Variants in TTC33 observed in about 807,000 individuals in gnomAD.
TTC33 encodes tetratricopeptide repeat protein 33.
In TTC33, 24 loss-of-function variants were observed where a neutral mutation model predicts 29.4. That is an observed-to-expected ratio of 0.82 (90% CI 0.59 to 1.15). The LOEUF (loss-of-function observed/expected upper bound fraction) is 1.15, where lower values mean the gene tolerates loss of function less well. Among genes scored for constraint, TTC33 ranks in the 50% most tolerant of loss-of-function variants. The probability of loss-of-function intolerance (pLI) is 0.00; values close to 1 mark genes in which losing one functional copy is unlikely to be tolerated. For missense variants in TTC33, 286 were observed against 310.4 expected, an observed-to-expected ratio of 0.92 and a Z score of 0.59; for synonymous variants, 107 against 100.3, an observed-to-expected ratio of 1.07 and a Z score of -0.40.
chr5:40,752,803 T>A (rs1352115288), intron 1 of TTC33, among the ~76,000 whole-genome samples: 1 of 152,268 alleles, frequency 6.6e-6, no homozygotes, highest in Non-Finnish European at 1.5e-5. Flanking sequence ...ATTGGACAAA[T>A]AGCACGAAAA....
intron 2 of TTC33, among the ~76,000 whole-genome samples, chr5:40,731,367 TAC>T (rs34581011): frequency 0.68 from 102,839 of 151,614 alleles, 34,970 homozygotes; most frequent in East Asian, 0.8. Context: ...CTGCTACACA[TAC>T]ACACACACAC....
chr5:40,718,635 G>A (rs750009389), intron 4 of TTC33, among the ~76,000 whole-genome samples: 3 of 152,046 alleles, frequency 2.0e-5, no homozygotes, highest in Non-Finnish European at 4.4e-5. Context: ...CTACTCAGGG[G>A]GCTGAGGCAT....
At chr5:40,721,105 G>A (rs1460567619) in intron 4 of TTC33, among the ~76,000 whole-genome samples, 2 of 152,086 alleles carry the variant, frequency 1.3e-5, no homozygotes, top group East Asian at 3.9e-4. Flanking sequence ...AAAAGAATTG[G>A]TCCACACTGT....
intron 4 of TTC33, among the ~76,000 whole-genome samples, chr5:40,722,394 G>A (rs1249449416): frequency 6.6e-6 from 1 of 151,192 alleles, no homozygotes; most frequent in Non-Finnish European, 1.5e-5. Flanking sequence ...GAGCCCCTCT[G>A]CCCGGCCGCC....
intron 3 of TTC33, among the ~76,000 whole-genome samples, chr5:40,729,856 G>A (rs1340939833): frequency 6.6e-6 from 1 of 152,020 alleles, no homozygotes; most frequent in South Asian, 2.1e-4. Flanking sequence ...GTGCCACCAC[G>A]CCCAGCTAAT....
chr5:40,716,465 A>C lies in TTC33; in HGVS notation c.469T>G (p.Tyr157Asp). The C allele has an allele frequency of 6.2e-7, 1 of 1,605,820 alleles. No individual in the cohort carries two copies. Among genetic ancestry groups the C allele is most frequent in the Non-Finnish European group, 8.5e-7 (1 of 1,176,612 alleles). The change falls in exon 5 of 5, where the codon TAT becomes GAT. Residue 157 changes from tyrosine (Y) to aspartate (D), a missense_variant. Coordinates refer to ENST00000337702, the MANE Select transcript of TTC33 (RefSeq NM_012382.3). ...IRSFQVALHI[Y>D]PMNPEIWKED... ...TTCCATATTTCAGGGTTCATTGGAT[A>C]GATGTGAAGGGCTACTTGAAAACTT...
chr5:40,733,439 A>C (rs1031422476), intron 2 of TTC33, among the ~76,000 whole-genome samples: 13 of 152,286 alleles, frequency 8.5e-5, no homozygotes, highest in African/African-American at 3.1e-4. Context: ...TCCCAGTAAA[A>C]CTTTATTTAT....
intron 2 of TTC33, among the ~76,000 whole-genome samples, chr5:40,733,608 T>C (rs1441570747): frequency 1.3e-5 from 2 of 152,154 alleles, no homozygotes; most frequent in Non-Finnish European, 2.9e-5. Context: ...TAGAAGGCAT[T>C]TGTGGTCATC....
At chr5:40,745,888 C>T (rs1382278294) in intron 2 of TTC33, among the ~76,000 whole-genome samples, 1 of 152,070 alleles carries the variant, frequency 6.6e-6, no homozygotes, top group Non-Finnish European at 1.5e-5. Context: ...GTATAAGCCA[C>T]TGCACCCAGC....
intron 1 of TTC33, among the ~76,000 whole-genome samples, chr5:40,748,002 T>C (rs1450812849): frequency 6.6e-6 from 1 of 151,660 alleles, no homozygotes; most frequent in Non-Finnish European, 1.5e-5. Flanking sequence ...ATTTTTTGTA[T>C]TTTTAGTAGA....
At chr5:40,716,813 G>T (rs1742011070) in intron 4 of TTC33, among the ~76,000 whole-genome samples, 1 of 152,218 alleles carries the variant, frequency 6.6e-6, no homozygotes, top group South Asian at 2.1e-4. Flanking sequence ...TACATTTGGG[G>T]ATTTCCTGGG....
At chr5:40,735,746 A>G (rs1472742700) in intron 2 of TTC33, among the ~76,000 whole-genome samples, 2 of 152,226 alleles carry the variant, frequency 1.3e-5, no homozygotes, top group Admixed American at 6.5e-5. Flanking sequence ...GGTGTGGAAG[A>G]TGAGAGAGCA....
At chr5:40,728,113 C>T in intron 4 of TTC33, among the ~76,000 whole-genome samples, 1 of 151,710 alleles carries the variant, frequency 6.6e-6, no homozygotes, top group Non-Finnish European at 1.5e-5. Context: ...GACACCCCGT[C>T]TCTACTAAAA....
At chr5:40,718,984 C>T (rs955710245) in intron 4 of TTC33, among the ~76,000 whole-genome samples, 1 of 152,088 alleles carries the variant, frequency 6.6e-6, no homozygotes, top group Non-Finnish European at 1.5e-5. Context: ...TAAAAATCCA[C>T]CTATATAGAA....
chr5:40,725,958 T>C (rs932113261), intron 4 of TTC33, among the ~76,000 whole-genome samples: 2 of 151,796 alleles, frequency 1.3e-5, no homozygotes, highest in Non-Finnish European at 2.9e-5. Context: ...GCTAATTTTT[T>C]GTATTTTTAG....
At chr5:40,729,113 T>C (rs1742363234) in intron 3 of TTC33, among the ~76,000 whole-genome samples, 1 of 152,206 alleles carries the variant, frequency 6.6e-6, no homozygotes, top group South Asian at 2.1e-4. Flanking sequence ...CAAACATTAT[T>C]ATCAGGTTCC....
In TTC33 at chr5:40,712,548, T is replaced by C. The variant is rs1047067420; in HGVS notation, c.*3597A>G. On this transcript the variant is annotated 3_prime_UTR_variant, in exon 5 of 5. Coordinates refer to ENST00000337702, the MANE Select transcript of TTC33 (RefSeq NM_012382.3). ...TATTGAACTTAGAATTAGACAGACC[T>C]GCTTACTAAGGCATGGGCAGTTCTG... 1.3e-5 allele frequency among the ~76,000 whole-genome samples: 2 copies of C among 152,190 alleles called. No individual in the cohort carries two copies. Among genetic ancestry groups the C allele is most frequent in the Non-Finnish European group, 2.9e-5 (2 of 68,020 alleles).
rs1218537255 is a variant in TTC33, at chr5:40,712,879, G to A, written c.*3266C>T. ...TAGTGCACATTAGGGCATGATTCATGTTACAGTAGCTTTAGGGCCACACTT... is the reference window on the plus strand; with the variant it reads ...TAGTGCACATTAGGGCATGATTCATATTACAGTAGCTTTAGGGCCACACTT... On this transcript the variant is annotated 3_prime_UTR_variant, in exon 5 of 5. Coordinates refer to ENST00000337702, the MANE Select transcript of TTC33 (RefSeq NM_012382.3). 6.6e-6 allele frequency among the ~76,000 whole-genome samples: 1 copy of A among 152,136 alleles called. No homozygotes were observed. The highest frequency in any genetic ancestry group is 2.4e-5 in the African/African-American group (1 of 41,438).
At position 40,730,271 on chromosome 5, in the gene TTC33, C is replaced by A. The variant is rs1446250096; in HGVS notation, c.294G>T (p.Met98Ile). 6.3e-7 allele frequency: 1 copy of A among 1,597,410 alleles called. No individual in the cohort carries two copies. Among genetic ancestry groups the A allele is most frequent in the Non-Finnish European group, 8.5e-7 (1 of 1,169,714 alleles). Residue 98 changes from methionine to isoleucine, a missense_variant, in exon 3 of 5, where the codon ATG becomes ATT. Coordinates refer to ENST00000337702, the MANE Select transcript of TTC33 (RefSeq NM_012382.3). The part of the protein sequence containing the change: ...LTPNDATLYE[M>I]KSQVLMSLHE... Reference sequence around the variant, plus strand: ...TCTTCATAATTATTACCTGTGATTTCATCTCGTATAGGGTAGCATCATTTG... The same window carrying A: ...TCTTCATAATTATTACCTGTGATTTAATCTCGTATAGGGTAGCATCATTTG...
Sources: allele counts gnomAD v4.1 joint callset (sites outside exome capture counted in the v4.1 genomes callset), GRCh38; gene constraint gnomAD v4.1.1; transcripts MANE v1.5; gene names NCBI Gene and HGNC (gene_info 2026-07-23, HGNC 2026-07-21).